CHD7: variants seen among roughly 807,000 people sequenced by gnomAD.
The protein encoded by CHD7 is ATP-dependent chromatin remodeler CHD7.
CHD7 carries 24 observed loss-of-function variants against 307.3 expected under a neutral mutation model. The observed-to-expected ratio is 0.08, with a 90% CI of 0.06 to 0.11. The LOEUF (loss-of-function observed/expected upper bound fraction) is 0.11. Ranked by LOEUF, CHD7 falls within the 10% of genes least tolerant of loss-of-function variation. The pLI is 1.00. For synonymous variants in CHD7, 1,363 were observed against 1,349.9 expected (o/e 1.01, Z -0.21); for missense variants, 3,106 against 3,727.1 (o/e 0.83, Z 4.34).
At chr8:60,748,299 G>A (rs1165547903) in intron 2 of CHD7, among the ~76,000 whole-genome samples, 1 of 152,202 alleles carries the variant, frequency 6.6e-6, no homozygotes, top group Non-Finnish European at 1.5e-5. Flanking sequence ...AGGGAAAAGA[G>A]TTTAAGATTT....
intron 1 of CHD7, among the ~76,000 whole-genome samples, chr8:60,694,973 C>G (rs1428921326): frequency 6.6e-6 from 1 of 152,104 alleles, no homozygotes; most frequent in Non-Finnish European, 1.5e-5. Flanking sequence ...AAGTCAGAGG[C>G]TGTTGAAATA....
chr8:60,707,051 T>C (rs984195415), intron 1 of CHD7, among the ~76,000 whole-genome samples: 2 of 152,216 alleles, frequency 1.3e-5, no homozygotes, highest in East Asian at 3.9e-4. Context: ...TTCCCACCTA[T>C]GAGTGAGAAC....
intron 3 of CHD7, among the ~76,000 whole-genome samples, chr8:60,789,814 G>A (rs1811683469): frequency 6.6e-6 from 1 of 152,242 alleles, no homozygotes; most frequent in Admixed American, 6.5e-5. Context: ...ACAGTTGTAA[G>A]CTGAACATGA....
At position 60,820,310 on chromosome 8, in the gene CHD7, T is replaced by C. The variant is rs182415426; in HGVS notation, c.2697+220T>C. Reference sequence around the variant, plus strand: ...TTAGTCTGAGAACTTTTTTAAAAAATTGATTTTCAATATGAAAGAAATACA... The same window carrying C: ...TTAGTCTGAGAACTTTTTTAAAAAACTGATTTTCAATATGAAAGAAATACA... On this transcript the variant is annotated intron_variant, in intron 9 of 37. Coordinates refer to ENST00000423902, the MANE Select transcript of CHD7 (RefSeq NM_017780.4). Among the ~76,000 whole-genome samples the C allele has an allele frequency of 7.2e-5, 11 of 152,328 alleles. No individual in the cohort carries two copies. In the East Asian group the frequency reaches 1.9e-3, roughly 27 times the overall value.
At chr8:60,709,913 G>A (rs1807199735) in intron 1 of CHD7, among the ~76,000 whole-genome samples, 1 of 152,134 alleles carries the variant, frequency 6.6e-6, no homozygotes, top group Non-Finnish European at 1.5e-5. Context: ...ATAAATTTAT[G>A]TATACCTGAT....
At chr8:60,716,156 A>G (rs1047572851) in intron 1 of CHD7, among the ~76,000 whole-genome samples, 7 of 151,954 alleles carry the variant, frequency 4.6e-5, no homozygotes, top group Non-Finnish European at 8.8e-5. Context: ...CTCCACTTCT[A>G]CCACCCGGGT....
intron 1 of CHD7, among the ~76,000 whole-genome samples, chr8:60,727,392 G>A (rs1808223159): frequency 6.6e-6 from 1 of 152,204 alleles, no homozygotes; most frequent in South Asian, 2.1e-4. Flanking sequence ...GCCTCCCAAA[G>A]TGTTGAGATT....
intron 2 of CHD7, among the ~76,000 whole-genome samples, chr8:60,777,594 G>A (rs761798743): frequency 6.6e-6 from 1 of 152,096 alleles, no homozygotes; most frequent in Non-Finnish European, 1.5e-5. Context: ...TTCCCCCATC[G>A]GGTCTCCTTT....
At chr8:60,768,697 T>G (rs1299303294) in intron 2 of CHD7, among the ~76,000 whole-genome samples, 2 of 152,268 alleles carry the variant, frequency 1.3e-5, no homozygotes, top group Non-Finnish European at 2.9e-5. Context: ...TTTACATTTC[T>G]GAATTTGCTG....
intron 1 of CHD7, among the ~76,000 whole-genome samples, chr8:60,722,625 A>G (rs974088270): frequency 2.6e-5 from 4 of 152,238 alleles, no homozygotes; most frequent in Admixed American, 1.3e-4. Context: ...TAAATCCAGT[A>G]CAAGTTAATA....
At chr8:60,850,986 T>G in intron 26 of CHD7, 46 bp from the exon 27 acceptor site, 1 of 1,360,510 alleles carries the variant, frequency 7.4e-7, no homozygotes, top group Non-Finnish European at 1.0e-6. Flanking sequence ...TTCCTTCTTT[T>G]GCTTATCAGT....
intron 2 of CHD7, among the ~76,000 whole-genome samples, chr8:60,762,534 A>C (rs554109448): frequency 1.3e-5 from 2 of 152,320 alleles, no homozygotes; most frequent in Admixed American, 6.5e-5. Flanking sequence ...CATGGGAATC[A>C]TACTTGGACC....
At chr8:60,814,207 T>C (rs1812941160) in intron 7 of CHD7, among the ~76,000 whole-genome samples, 1 of 152,228 alleles carries the variant, frequency 6.6e-6, no homozygotes, top group South Asian at 2.1e-4. Context: ...TGGGTTATCA[T>C]CAGAGTCTAG....
chr8:60,844,836 C>A (rs373228711), intron 21 of CHD7, 28 bp from the exon 22 acceptor site: 6 of 1,546,772 alleles, frequency 3.9e-6, no homozygotes, highest in Non-Finnish European at 5.3e-6. Context: ...TCACAGGCAC[C>A]TCTGCATGCT....
chr8:60,848,720 T>G (rs899999774), intron 24 of CHD7, 116 bp downstream of exon 24: 22 of 815,594 alleles, frequency 2.7e-5, no homozygotes, highest in Non-Finnish European at 4.4e-5. Context: ...TCTCCTTTTT[T>G]GCATCTTGAA....
chr8:60,797,107 T>G (rs1450350039), intron 4 of CHD7, among the ~76,000 whole-genome samples: 1 of 152,238 alleles, frequency 6.6e-6, no homozygotes, highest in Non-Finnish European at 1.5e-5. Context: ...TCATTTTGAC[T>G]CACAAAAATC....
intron 1 of CHD7, among the ~76,000 whole-genome samples, chr8:60,679,374 G>A (rs1201842332): frequency 1.4e-5 from 2 of 145,728 alleles, no homozygotes; most frequent in Non-Finnish European, 3.1e-5. Context: ...CGGCGGCGGG[G>A]GCGCGCGGTG....
chr8:60,803,418 C>T (rs371244483), intron 6 of CHD7, among the ~76,000 whole-genome samples: 16 of 151,960 alleles, frequency 1.1e-4, no homozygotes, highest in African/African-American at 3.6e-4. Context: ...TCTTCTTTTC[C>T]TCTTTAGCTA....
chr8:60,814,421 T>C (rs1289236497), intron 7 of CHD7, among the ~76,000 whole-genome samples: 1 of 152,232 alleles, frequency 6.6e-6, no homozygotes, highest in African/African-American at 2.4e-5. Context: ...TAGAGCAGAT[T>C]ATTTTTATAA....
Sources: allele counts gnomAD v4.1 joint callset (sites outside exome capture counted in the v4.1 genomes callset), GRCh38; gene constraint gnomAD v4.1.1; transcripts MANE v1.5; gene names NCBI Gene and HGNC (gene_info 2026-07-23, HGNC 2026-07-21).